Variants in CORIN observed in about 807,000 individuals in gnomAD.
The protein encoded by CORIN is atrial natriuretic peptide-converting enzyme.
A neutral mutation model predicts 125.3 loss-of-function variants in CORIN; 117 were observed. The ratio of observed to expected loss-of-function variants is 0.93; its 90% CI spans 0.80 to 1.09. The LOEUF is 1.09. Among genes scored for constraint, CORIN ranks in the 50% least tolerant of loss-of-function variants. The pLI is 0.00. For synonymous variants in CORIN, 450 were observed against 466.4 expected, an observed-to-expected ratio of 0.96 and a Z score of 0.45; for missense variants, 1,253 against 1,306.7, an observed-to-expected ratio of 0.96 and a Z score of 0.63.
intron 5 of CORIN, among the ~76,000 whole-genome samples, chr4:47,732,273 C>T (rs1011377728): frequency 6.6e-6 from 1 of 152,132 alleles, no homozygotes; most frequent in Non-Finnish European, 1.5e-5. Context: ...AAACCAAAGG[C>T]AAAGAGTGCT....
chr4:47,813,649 T>C (rs1732148539), intron 1 of CORIN, among the ~76,000 whole-genome samples: 1 of 152,256 alleles, frequency 6.6e-6, no homozygotes. Flanking sequence ...AGATTAATTC[T>C]GTCTGCCTAA....
At chr4:47,676,989 G>C (rs1225886222) in intron 9 of CORIN, among the ~76,000 whole-genome samples, 1 of 152,044 alleles carries the variant, frequency 6.6e-6, no homozygotes, top group Non-Finnish European at 1.5e-5. Flanking sequence ...TAGGTCTTGG[G>C]CATTTTTCCA....
At chr4:47,601,238 T>A (rs559015837) in intron 20 of CORIN, among the ~76,000 whole-genome samples, 2 of 152,298 alleles carry the variant, frequency 1.3e-5, no homozygotes, top group East Asian at 3.9e-4. Context: ...AGTTAGGTAG[T>A]TGCTATTTTT....
intron 3 of CORIN, among the ~76,000 whole-genome samples, chr4:47,769,542 AAC>A (rs1201965719): frequency 2.0e-5 from 3 of 152,112 alleles, no homozygotes; most frequent in Non-Finnish European, 4.4e-5. Flanking sequence ...TTCATATGGA[AAC>A]ACACAAAAAA....
intron 5 of CORIN, among the ~76,000 whole-genome samples, chr4:47,743,383 A>G (rs1220062998): frequency 2.0e-5 from 3 of 152,190 alleles, no homozygotes; most frequent in Admixed American, 1.3e-4. Context: ...AGACAAAAAG[A>G]CAGACCATCA....
intron 1 of CORIN, among the ~76,000 whole-genome samples, chr4:47,819,857 C>G (rs904753536): frequency 6.6e-6 from 1 of 152,154 alleles, no homozygotes; most frequent in African/African-American, 2.4e-5. Flanking sequence ...AGATAAAATC[C>G]CCTTCGTCAG....
In CORIN at chr4:47,702,913, C is replaced by CT. The variant is rs973516679; in HGVS notation, c.800-9831dup. Among the ~76,000 whole-genome samples the CT allele has an allele frequency of 1.1e-4, 17 of 151,274 alleles. No homozygotes were observed. The East Asian group carries it at 1.6e-3, about 14-fold the overall frequency. On this transcript the variant is annotated intron_variant, in intron 5 of 21. Coordinates refer to ENST00000273857, the MANE Select transcript of CORIN (RefSeq NM_006587.4). ...TTGACTATTTCAAAGCATTAGCATT[C>CT]TTTTTTTTTCTTTTTTTTATTATAC...
In CORIN at chr4:47,650,304, T is replaced by C. The variant is rs570816298; in HGVS notation, c.1843+3249A>G. On this transcript the variant is annotated intron_variant, in intron 13 of 21. Coordinates refer to ENST00000273857, the MANE Select transcript of CORIN (RefSeq NM_006587.4). The stretch of plus-strand genomic sequence containing the variant: ...CTCCATATGATGTATACCATTTTAC[T>C]TAGAATAGTGATCAATTAGTAATTT... 3.3e-5 allele frequency among the ~76,000 whole-genome samples: 5 copies of C among 152,356 alleles called. No individual in the cohort carries two copies. In the South Asian group the frequency reaches 1.0e-3, roughly 32 times the overall value.
chr4:47,816,383 C>T (rs1560562588), intron 1 of CORIN, among the ~76,000 whole-genome samples: 1 of 152,136 alleles, frequency 6.6e-6, no homozygotes, highest in Non-Finnish European at 1.5e-5. Flanking sequence ...CATTACAAAA[C>T]ACGTCTATGT....
At position 47,786,799 on chromosome 4, in the gene CORIN, G is replaced by A. The variant is rs1301266545; in HGVS notation, c.335C>T (p.Ala112Val). The A allele has an allele frequency of 6.2e-7, 1 of 1,614,144 alleles. No homozygotes were observed. The highest frequency in any genetic ancestry group is 8.5e-7 in the Non-Finnish European group (1 of 1,179,996). Residue 112 changes from alanine to valine, a missense_variant, in exon 3 of 22, where the codon GCA (alanine) becomes GTA (valine). Transcript: ENST00000273857. Reference sequence around the variant, plus strand: ...GGCTGGAACGTGTTGGTCGGGATGTGCAGTAGACACCACAGTGCTCTGGTT... The same window carrying A: ...GGCTGGAACGTGTTGGTCGGGATGTACAGTAGACACCACAGTGCTCTGGTT... Reference protein sequence around the residue: ...IYNQSTVVSTAHPDQHVPAWT... With the variant: ...IYNQSTVVSTVHPDQHVPAWT...
chr4:47,687,993 A>G (rs1725593815), intron 6 of CORIN, among the ~76,000 whole-genome samples: 1 of 152,156 alleles, frequency 6.6e-6, no homozygotes, highest in Admixed American at 6.5e-5. Flanking sequence ...GTTTAGCAGC[A>G]TCTCTGGCCT....
At chr4:47,752,697 A>G (rs1460168422) in intron 4 of CORIN, among the ~76,000 whole-genome samples, 1 of 152,190 alleles carries the variant, frequency 6.6e-6, no homozygotes, top group East Asian at 1.9e-4. Flanking sequence ...AGAAAATACT[A>G]ACAGATAAAC....
intron 10 of CORIN, among the ~76,000 whole-genome samples, chr4:47,669,906 G>A (rs751469175): frequency 1.3e-5 from 2 of 152,082 alleles, no homozygotes; most frequent in African/African-American, 4.8e-5. Context: ...TACCACCCCT[G>A]GATATTGTAA....
chr4:47,725,972 A>C (rs116079574), intron 5 of CORIN, among the ~76,000 whole-genome samples: 2,101 of 152,172 alleles, frequency 0.014, 43 homozygotes, highest in African/African-American at 0.045. Flanking sequence ...GACACTTCAT[A>C]AAGGTGATAT....
At position 47,594,012 on chromosome 4, in the gene CORIN, C is replaced by T. The variant is rs1721161760; in HGVS notation, c.*1709G>A. 1 of 150,956 alleles carries T rather than the reference C, an allele frequency of 6.6e-6. No homozygotes were observed. The highest frequency in any genetic ancestry group is 2.4e-5 in the African/African-American group (1 of 41,160). 9.4% of individuals were successfully genotyped at this position (150,956 alleles called of 1,614,324 possible). ...AAAAAAAAAGGTGATTAGACCATTA[C>T]CATTTTATTTGTATTAAGAATTATT... On this transcript the variant is annotated 3_prime_UTR_variant, in exon 22 of 22. Coordinates refer to ENST00000273857, the MANE Select transcript of CORIN (RefSeq NM_006587.4).
intron 5 of CORIN, among the ~76,000 whole-genome samples, chr4:47,717,608 C>A (rs183614212): frequency 2.0e-5 from 3 of 152,220 alleles, no homozygotes; most frequent in Admixed American, 2.0e-4. Flanking sequence ...TTGTTTGCTT[C>A]TTTATATTTT....
intron 10 of CORIN, among the ~76,000 whole-genome samples, chr4:47,668,201 T>C (rs1427942667): frequency 6.6e-6 from 1 of 152,230 alleles, no homozygotes; most frequent in Non-Finnish European, 1.5e-5. Context: ...AGACAAGAAG[T>C]AACATTTAAA....
At chr4:47,652,457 G>A (rs1723775336) in intron 13 of CORIN, among the ~76,000 whole-genome samples, 1 of 152,210 alleles carries the variant, frequency 6.6e-6, no homozygotes, top group African/African-American at 2.4e-5. Flanking sequence ...TGTCATGAAA[G>A]TGTCAATTCT....
rs369054656 is a variant in CORIN at position 47,734,016 on chromosome 4, C to T, written c.799+10386G>A. 2.0e-5 allele frequency among the ~76,000 whole-genome samples: 3 copies of T among 151,996 alleles called. No individual in the cohort carries two copies. The East Asian group carries it at 5.8e-4, about 29-fold the overall frequency. On this transcript the variant is annotated intron_variant, in intron 5 of 21. Transcript: ENST00000273857. The stretch of plus-strand genomic sequence containing the variant: ...AGCTCTTGTGAGAAGGGGGCTGTAG[C>T]GGCGGGTATTAATAAGGATTAATAA...
Sources: gnomAD v4.1 joint callset for allele counts (sites outside exome capture counted in the v4.1 genomes callset) on GRCh38, gnomAD v4.1.1 for gene constraint, MANE v1.5 for transcripts, NCBI Gene and HGNC (gene_info 2026-07-23, HGNC 2026-07-21) for gene names.